FBXO11: variants seen among roughly 807,000 people sequenced by gnomAD.
FBXO11 encodes the protein F-box only protein 11.
FBXO11 carries 13 observed loss-of-function variants against 117.0 expected under a neutral mutation model. That is an observed-to-expected ratio of 0.11 (90% CI 0.07 to 0.18). The LOEUF is 0.18. FBXO11 is among the 10% of genes least tolerant of loss of function. FBXO11 has a pLI of 1.00. For missense variants in FBXO11, 767 were observed against 1,164.4 expected, an observed-to-expected ratio of 0.66 and a Z score of 4.97; for synonymous variants, 490 against 380.5, an observed-to-expected ratio of 1.29 and a Z score of -3.35.
chr2:47,860,843 A>ATTTT (rs34675496), intron 1 of FBXO11, among the ~76,000 whole-genome samples: 7 of 104,240 alleles, frequency 6.7e-5, no homozygotes, highest in African/African-American at 4.2e-5. Context: ...GTTTTCCCCT[A>ATTTT]TTTTTTTTTT....
intron 1 of FBXO11, among the ~76,000 whole-genome samples, chr2:47,861,644 T>C (rs1341610148): frequency 6.6e-6 from 1 of 152,130 alleles, no homozygotes; most frequent in Non-Finnish European, 1.5e-5. Flanking sequence ...CTCCATACCC[T>C]AGGATTGGCA....
At chr2:47,835,688 G>C (rs1010159719) in intron 5 of FBXO11, among the ~76,000 whole-genome samples, 184 bp downstream of exon 5, 2 of 152,126 alleles carry the variant, frequency 1.3e-5, no homozygotes, top group Non-Finnish European at 2.9e-5. Context: ...AGAAGAGATG[G>C]AGTTTCGCCA....
chr2:47,901,724 C>T (rs887721375), intron 1 of FBXO11, among the ~76,000 whole-genome samples: 4 of 152,082 alleles, frequency 2.6e-5, no homozygotes, highest in African/African-American at 7.2e-5. Context: ...ACACACAGCA[C>T]TTCTGTAGAC....
At chr2:47,900,139 C>T (rs1008056804) in intron 1 of FBXO11, among the ~76,000 whole-genome samples, 2 of 152,118 alleles carry the variant, frequency 1.3e-5, no homozygotes, top group Non-Finnish European at 1.5e-5. Context: ...GCTCTTAGGC[C>T]TCATCAGCAC....
intron 1 of FBXO11, among the ~76,000 whole-genome samples, chr2:47,871,841 A>G (rs1675647636): frequency 6.6e-6 from 1 of 152,246 alleles, no homozygotes; most frequent in African/African-American, 2.4e-5. Flanking sequence ...TGACATGAGC[A>G]ATGTGCTTTT....
intron 1 of FBXO11, among the ~76,000 whole-genome samples, chr2:47,866,388 A>G (rs1675198839): frequency 6.6e-6 from 1 of 152,056 alleles, no homozygotes; most frequent in African/African-American, 2.4e-5. Context: ...GTGCTGTGTT[A>G]CAGGGTATCT....
At chr2:47,887,215 G>T (rs907645305) in intron 1 of FBXO11, among the ~76,000 whole-genome samples, 4 of 151,370 alleles carry the variant, frequency 2.6e-5, no homozygotes, top group Admixed American at 2.6e-4. Context: ...AGCCCAGGAG[G>T]TGGAGGTTGC....
At chr2:47,901,198 T>C (rs1381587490) in intron 1 of FBXO11, among the ~76,000 whole-genome samples, 2 of 148,400 alleles carry the variant, frequency 1.3e-5, no homozygotes, top group African/African-American at 4.9e-5. Context: ...CATATATATG[T>C]GTGTCATAGA....
chr2:47,809,856 A>C, intron 19 of FBXO11, 149 bp from the exon 20 acceptor site: 2 of 568,432 alleles, frequency 3.5e-6, no homozygotes, highest in Admixed American at 3.4e-5. Context: ...ACCTATTTCA[A>C]CCACCAACAG....
At chr2:47,850,371 T>C (rs1449734561) in intron 1 of FBXO11, among the ~76,000 whole-genome samples, 1 of 150,834 alleles carries the variant, frequency 6.6e-6, no homozygotes, top group Non-Finnish European at 1.5e-5. Flanking sequence ...TCTCAAGCAT[T>C]AGTGAGTCAT....
Position 47,809,472 on chromosome 2 carries a change from C to T in FBXO11, c.2446+128G>A, listed in dbSNP as rs537479277. 4 of 754,834 alleles carry T rather than the reference C, an allele frequency of 5.3e-6. No homozygotes were observed. The East Asian group carries it at 8.0e-5, about 15-fold the overall frequency. The allele number at this position is 754,834 out of a possible 1,614,324, so 46.8% of individuals were successfully genotyped here. A position where few individuals can be genotyped will look rare whatever the true frequency, so the allele number is the denominator to read the frequency against. ...ACCATTTAGAACCAAAGCTCTGTTTCTTTCAAAATCTATCTTAAACTGTTG... is the reference window on the plus strand; with the variant it reads ...ACCATTTAGAACCAAAGCTCTGTTTTTTTCAAAATCTATCTTAAACTGTTG... On this transcript the variant is annotated intron_variant, in intron 20 of 22. Coordinates refer to ENST00000403359, the MANE Select transcript of FBXO11 (RefSeq NM_001190274.2).
chr2:47,821,837 A>G lies in FBXO11; in HGVS notation c.1702+381T>C, dbSNP rs142682353. Among the ~76,000 whole-genome samples the G allele has an allele frequency of 2.4e-3, 365 of 152,238 alleles. 2 individuals carry two copies. The highest frequency in any genetic ancestry group is 8.1e-3 in the South Asian group (39 of 4,822). ...GCAGCGCATGAGACTCACACCTGCA[A>G]TCCCAGAATTTTGGGAGACCAAGGC... On this transcript the variant is annotated intron_variant, in intron 13 of 22. Coordinates refer to ENST00000403359, the MANE Select transcript of FBXO11 (RefSeq NM_001190274.2).
Position 47,809,269 on chromosome 2 carries a change from G to GA in FBXO11, c.2447-4_2447-3insT. On this transcript the variant is annotated splice_polypyrimidine_tract_variant and splice_region_variant and intron_variant, in intron 20 of 22. Transcript: ENST00000403359. ...TTGATTGTTCATTATTTTGTTATCT[G>GA]TAATAAAAGAAAGAATAAGTAAAAA... 1 of 1,511,864 alleles carries GA rather than the reference G, an allele frequency of 6.6e-7. No individual in the cohort carries two copies. The highest frequency in any genetic ancestry group is 9.1e-7 in the Non-Finnish European group (1 of 1,102,216). The allele number at this position is 1,511,864 out of a possible 1,614,324, so 93.7% of individuals were successfully genotyped here.
chr2:47,869,437 G>A (rs182207779), intron 1 of FBXO11, among the ~76,000 whole-genome samples: 1 of 152,108 alleles, frequency 6.6e-6, no homozygotes, highest in African/African-American at 2.4e-5. Context: ...ATGAAGGAAA[G>A]GAAAAGTTAT....
chr2:47,818,012 T>A (rs1671127002), intron 16 of FBXO11, among the ~76,000 whole-genome samples: 1 of 152,154 alleles, frequency 6.6e-6, no homozygotes, highest in Non-Finnish European at 1.5e-5. Flanking sequence ...CCAGGCATGG[T>A]GGCACAAGCC....
At chr2:47,811,489 T>TTA (rs1415950140) in intron 18 of FBXO11, 5 of 152,378 alleles carry the variant, frequency 3.3e-5, no homozygotes, top group East Asian at 3.9e-4. Context: ...AGTGCTGGGG[T>TTA]TACAGGCATG....
intron 1 of FBXO11, among the ~76,000 whole-genome samples, chr2:47,841,422 T>C (rs1385382480): frequency 4.6e-5 from 7 of 152,074 alleles, no homozygotes; most frequent in Non-Finnish European, 8.8e-5. Flanking sequence ...TACCAATAGT[T>C]TGTAAAATCA....
At chr2:47,816,065 G>T (rs1357740648) in intron 16 of FBXO11, among the ~76,000 whole-genome samples, 1 of 152,228 alleles carries the variant, frequency 6.6e-6, no homozygotes, top group Non-Finnish European at 1.5e-5. Context: ...CCATGGCCAA[G>T]GGCGGTGAGA....
chr2:47,826,464 T>C (rs1671764380), intron 11 of FBXO11, among the ~76,000 whole-genome samples: 1 of 152,232 alleles, frequency 6.6e-6, no homozygotes, highest in South Asian at 2.1e-4. Context: ...ACATCTATTT[T>C]ATTAAGTAAC....
Sources: allele counts gnomAD v4.1 joint callset (sites outside exome capture counted in the v4.1 genomes callset), GRCh38; gene constraint gnomAD v4.1.1; transcripts MANE v1.5; gene names NCBI Gene and HGNC (gene_info 2026-07-23, HGNC 2026-07-21).